The following MEGF11 variants were observed in gnomAD, a reference collection of about 807,000 sequenced individuals.
MEGF11 encodes the protein multiple epidermal growth factor-like domains protein 11.
Under a neutral mutation model 146.6 loss-of-function variants are expected in MEGF11, and 126 were observed. The ratio of observed to expected loss-of-function variants is 0.86; its 90% CI spans 0.74 to 1.00. MEGF11 has a LOEUF of 1.00. Among genes scored for constraint, MEGF11 ranks in the 50% least tolerant of loss-of-function variants. The pLI, the probability that MEGF11 is intolerant of heterozygous loss-of-function variation, is 0.00. For synonymous variants in MEGF11, 532 were observed against 583.4 expected (o/e 0.91, Z 1.27); for missense variants, 1,509 against 1,521.2 (o/e 0.99, Z 0.13).
chr15:66,229,229 C>A (rs535916880), intron 1 of MEGF11, among the ~76,000 whole-genome samples: 1 of 152,056 alleles, frequency 6.6e-6, no homozygotes, highest in Non-Finnish European at 1.5e-5. Context: ...TTTGGGTTAA[C>A]TAGCCTTGCA....
At chr15:66,191,564 T>C (rs2090878095) in intron 1 of MEGF11, among the ~76,000 whole-genome samples, 1 of 152,126 alleles carries the variant, frequency 6.6e-6, no homozygotes, top group Non-Finnish European at 1.5e-5. Context: ...AGGGCACTCA[T>C]CTGCTTTCCC....
Position 66,119,075 on chromosome 15 carries a change from C to A in MEGF11, c.301+11G>T, listed in dbSNP as rs1440796462. 6.5e-7 allele frequency: 1 copy of A among 1,535,642 alleles called. No homozygotes were observed. The highest frequency in any genetic ancestry group is 8.8e-7 in the Non-Finnish European group (1 of 1,133,476). On this transcript the variant is annotated intron_variant, in intron 4 of 25. Transcript: ENST00000395614. Reference sequence around the variant, plus strand: ...CCCACTGAGGGCAGAACAGCAGCAGCCCCTACATACGTATGCAGAAGTCTC... The same window carrying A: ...CCCACTGAGGGCAGAACAGCAGCAGACCCTACATACGTATGCAGAAGTCTC...
At chr15:66,217,344 G>A (rs914381247) in intron 1 of MEGF11, among the ~76,000 whole-genome samples, 1 of 152,220 alleles carries the variant, frequency 6.6e-6, no homozygotes, top group African/African-American at 2.4e-5. Context: ...ACACAGACTA[G>A]GCTTAGCAGG....
chr15:65,929,410 G>T (rs1345054770), intron 12 of MEGF11, among the ~76,000 whole-genome samples: 1 of 152,196 alleles, frequency 6.6e-6, no homozygotes, highest in Non-Finnish European at 1.5e-5. Flanking sequence ...GCACTGGGTT[G>T]TGAAGGAATC....
At chr15:66,069,342 C>T (rs79744500) in intron 5 of MEGF11, among the ~76,000 whole-genome samples, 1,750 of 152,266 alleles carry the variant, frequency 0.011, 34 homozygotes, top group African/African-American at 0.039. Context: ...GGTGCCCGTA[C>T]CTGCCATGAA....
In MEGF11 at chr15:65,982,672, C is replaced by A. The variant is rs28718288; in HGVS notation, c.395-184G>T. On this transcript the variant is annotated intron_variant, in intron 5 of 25. Transcript: ENST00000395614. The surrounding 1 kb of genome is among the most constrained non-coding windows in gnomAD (Gnocchi z 5.6). ...GCATCAGTTCTTCCACCAAGCCATG[C>A]AAATAGTCGCACAGGCTAAGAAGGG... Among the ~76,000 whole-genome samples the A allele has an allele frequency of 9.4e-3, 1,439 of 152,286 alleles. 23 individuals are homozygous for A. The highest frequency in any genetic ancestry group is 0.031 in the African/African-American group (1,295 of 41,552).
chr15:65,941,987 C>T (rs1429291612), intron 10 of MEGF11, among the ~76,000 whole-genome samples: 1 of 151,710 alleles, frequency 6.6e-6, no homozygotes, highest in African/African-American at 2.4e-5. Context: ...GTGCCAGGCA[C>T]TTTTTTTTTC....
chr15:66,175,613 T>C (rs1426487996), intron 1 of MEGF11, among the ~76,000 whole-genome samples: 1 of 152,156 alleles, frequency 6.6e-6, no homozygotes, highest in Non-Finnish European at 1.5e-5. Flanking sequence ...AAACTAGATA[T>C]CCATTTGCAG....
At position 66,119,164 on chromosome 15, in the gene MEGF11, G is replaced by A. The variant is rs1162998141; in HGVS notation, c.223C>T (p.Arg75Trp). 7.1e-6 allele frequency: 11 copies of A among 1,551,364 alleles called. No individual in the cohort carries two copies. The highest frequency in any genetic ancestry group is 1.2e-5 in the South Asian group (1 of 84,048). Residue 75 changes from arginine (R) to tryptophan (W), a missense_variant, in exon 4 of 26, where the codon CGG becomes TGG. Coordinates refer to ENST00000395614, the MANE Select transcript of MEGF11 (RefSeq NM_001385028.1). Reference sequence around the variant, plus strand: ...CGGTACATGGTCCGGAGGCCTCTCCGATACGCCGTCTTATAACTGATCCTA... The same window carrying A: ...CGGTACATGGTCCGGAGGCCTCTCCAATACGCCGTCTTATAACTGATCCTA... ...RHRISYKTAY[R>W]RGLRTMYRRR...
At chr15:66,095,944 C>T (rs1006089094) in intron 4 of MEGF11, among the ~76,000 whole-genome samples, 9 of 152,196 alleles carry the variant, frequency 5.9e-5, no homozygotes, top group African/African-American at 1.9e-4. Flanking sequence ...CCACTTAGAA[C>T]CACAATGTGC....
In MEGF11 at chr15:66,011,462, T is replaced by A. The variant is rs543813972; in HGVS notation, c.395-28974A>T. On this transcript the variant is annotated intron_variant, in intron 5 of 25. Transcript: ENST00000395614. ...GGAAAGCTGTGTGTGGCCACCCACT[T>A]GTGAACATCGAGAAGTCAGAGGCAG... 3.9e-5 allele frequency among the ~76,000 whole-genome samples: 6 copies of A among 152,250 alleles called. No individual in the cohort carries two copies. In the East Asian group the frequency reaches 1.2e-3, roughly 29 times the overall value.
intron 1 of MEGF11, among the ~76,000 whole-genome samples, chr15:66,194,552 G>A (rs2090962451): frequency 1.3e-5 from 2 of 152,094 alleles, no homozygotes; most frequent in East Asian, 1.9e-4. Flanking sequence ...AGGCTGCCAT[G>A]AGCCAAGATG....
chr15:66,064,239 C>A (rs12148577), intron 5 of MEGF11, among the ~76,000 whole-genome samples: 120,198 of 151,892 alleles, frequency 0.79, 50,640 homozygotes, highest in East Asian at 0.94. Context: ...TGTGGTGGCG[C>A]ACGTGTGTAA....
At chr15:66,159,202 G>A (rs973259080) in intron 1 of MEGF11, among the ~76,000 whole-genome samples, 1 of 152,224 alleles carries the variant, frequency 6.6e-6, no homozygotes, top group African/African-American at 2.4e-5. Context: ...CTGAGGCTCA[G>A]GGAGTTTAAG....
chr15:65,993,175 C>G (rs2082107050), intron 5 of MEGF11, among the ~76,000 whole-genome samples: 1 of 152,216 alleles, frequency 6.6e-6, no homozygotes. Context: ...CACCCCCAAC[C>G]TCTGTCCTGT....
chr15:66,133,309 T>C (rs1156506891), intron 1 of MEGF11, among the ~76,000 whole-genome samples: 1 of 152,156 alleles, frequency 6.6e-6, no homozygotes, highest in African/African-American at 2.4e-5. Context: ...CAAGCTGCAG[T>C]TGGGGACTGG....
At chr15:66,076,583 G>T (rs983227889) in intron 5 of MEGF11, among the ~76,000 whole-genome samples, 1 of 152,214 alleles carries the variant, frequency 6.6e-6, no homozygotes, top group African/African-American at 2.4e-5. Flanking sequence ...CTGCTTTGGG[G>T]CAGCACCAGG....
At chr15:66,114,707 C>A (rs1164548677) in intron 4 of MEGF11, among the ~76,000 whole-genome samples, 1 of 151,736 alleles carries the variant, frequency 6.6e-6, no homozygotes, top group East Asian at 1.9e-4. Flanking sequence ...ATATTTCATA[C>A]CTGGTGACCA....
At chr15:66,133,359 G>A (rs934648779) in intron 1 of MEGF11, among the ~76,000 whole-genome samples, 4 of 152,192 alleles carry the variant, frequency 2.6e-5, no homozygotes, top group Non-Finnish European at 5.9e-5. Context: ...TTCAGGTCTG[G>A]GAAGCAGCAG....
Sources: gnomAD v4.1 joint callset for allele counts (sites outside exome capture counted in the v4.1 genomes callset) on GRCh38, gnomAD v4.1.1 for gene constraint, Gnocchi (gnomAD v3.1) non-coding constraint, MANE v1.5 for transcripts, NCBI Gene and HGNC (gene_info 2026-07-23, HGNC 2026-07-21) for gene names.